NCOR1: variants seen among roughly 807,000 people sequenced by gnomAD.
NCOR1 encodes protein phosphatase 1, regulatory subunit 109.
In NCOR1, 63 loss-of-function variants were observed where a neutral mutation model predicts 288.1. The ratio of observed to expected loss-of-function variants is 0.22; its 90% CI spans 0.18 to 0.27. NCOR1 has a LOEUF of 0.27. Among genes scored for constraint, NCOR1 ranks in the 10% least tolerant of loss-of-function variants. The pLI, the probability that NCOR1 is intolerant of heterozygous loss-of-function variation, is 1.00. For missense variants in NCOR1, 2,397 were observed against 3,019.2 expected, an observed-to-expected ratio of 0.79 and a Z score of 4.83; for synonymous variants, 1,007 against 1,065.9, an observed-to-expected ratio of 0.94 and a Z score of 1.08.
chr17:16,212,622 C>T (rs1428453876), intron 1 of NCOR1, among the ~76,000 whole-genome samples: 4 of 152,122 alleles, frequency 2.6e-5, no homozygotes, highest in African/African-American at 4.8e-5. Context: ...TCACAGAATA[C>T]AATTAAAACC....
chr17:16,148,796 A>T (rs2078425978), intron 9 of NCOR1, among the ~76,000 whole-genome samples: 1 of 152,064 alleles, frequency 6.6e-6, no homozygotes, highest in African/African-American at 2.4e-5. Flanking sequence ...TTTACAACTC[A>T]AACTGTCAGG....
At chr17:16,131,588 A>C (rs2075647905) in intron 14 of NCOR1, among the ~76,000 whole-genome samples, 1 of 152,234 alleles carries the variant, frequency 6.6e-6, no homozygotes, top group South Asian at 2.1e-4. Flanking sequence ...TTGTAAATAA[A>C]AATTTACACG....
chr17:16,135,294 G>A (rs896262439), intron 14 of NCOR1, among the ~76,000 whole-genome samples: 15 of 152,028 alleles, frequency 9.9e-5, no homozygotes, highest in Non-Finnish European at 1.6e-4. Flanking sequence ...AAAAGCCCTG[G>A]CAATATTCTT....
chr17:16,208,206 ATTTTT>A (rs757019446), intron 1 of NCOR1, among the ~76,000 whole-genome samples: 14 of 65,532 alleles, frequency 2.1e-4, no homozygotes, highest in South Asian at 6.0e-4. Flanking sequence ...ATGCCCAGCT[ATTTTT>A]TTTTTTTTTT....
intron 3 of NCOR1, among the ~76,000 whole-genome samples, chr17:16,178,299 A>C (rs909496193): frequency 1.3e-5 from 2 of 152,072 alleles, no homozygotes; most frequent in African/African-American, 4.8e-5. Context: ...GGAGATTGAG[A>C]CCATCCTGAC....
chr17:16,040,538 A>G, intron 42 of NCOR1, 44 bp from the exon 43 acceptor site: 1 of 1,529,900 alleles, frequency 6.5e-7, no homozygotes, highest in Non-Finnish European at 9.0e-7. Context: ...TGTGATAATC[A>G]TATATACCAA....
intron 1 of NCOR1, among the ~76,000 whole-genome samples, chr17:16,209,599 C>A (rs2091922686): frequency 7.0e-6 from 1 of 143,844 alleles, no homozygotes; most frequent in Non-Finnish European, 1.5e-5. Context: ...AGCATGAATA[C>A]ATACAGAAAA....
At chr17:16,094,989 C>T (rs1467912392) in intron 21 of NCOR1, among the ~76,000 whole-genome samples, 3 of 152,106 alleles carry the variant, frequency 2.0e-5, no homozygotes, top group East Asian at 1.9e-4. Flanking sequence ...GCCGCCACCC[C>T]GTCTGGGAAG....
At position 16,071,563 on chromosome 17, in the gene NCOR1, G is replaced by A. The variant is rs1298450215; in HGVS notation, c.3998C>T (p.Thr1333Ile). ...GATGCCATCATATGGTTTTCCTTTG[G>A]TAATGGCACCTTCAAATGCTCGTAT... ...PPIRAFEGAI[T>I]KGKPYDGITT... The change falls in exon 30 of 46, where the codon ACC becomes ATC. Residue 1333 changes from threonine to isoleucine, a missense_variant. Coordinates refer to ENST00000268712, the MANE Select transcript of NCOR1 (RefSeq NM_006311.4). 1 of 1,613,902 alleles carries A rather than the reference G, an allele frequency of 6.2e-7. No homozygotes were observed. The highest frequency in any genetic ancestry group is 1.7e-5 in the Admixed American group (1 of 60,000).
At chr17:16,066,360 A>G (rs1262159671) in intron 32 of NCOR1, among the ~76,000 whole-genome samples, 1 of 152,208 alleles carries the variant, frequency 6.6e-6, no homozygotes, top group East Asian at 1.9e-4. Flanking sequence ...AAAAAGCTGT[A>G]GTTTTTAGCA....
intron 8 of NCOR1, among the ~76,000 whole-genome samples, chr17:16,151,081 TAG>T (rs915064934): frequency 1.3e-4 from 19 of 151,704 alleles, no homozygotes; most frequent in African/African-American, 4.3e-4. Context: ...ATGTGCTCAT[TAG>T]TAACCATACT....
chr17:16,137,443 A>T, intron 13 of NCOR1, 31 bp from the exon 14 acceptor site: 2 of 1,205,100 alleles, frequency 1.7e-6, no homozygotes, highest in Non-Finnish European at 2.3e-6. Flanking sequence ...ATTTTTGAGG[A>T]TCCAATGAAA....
At chr17:16,097,644 T>C (rs938163876) in intron 21 of NCOR1, among the ~76,000 whole-genome samples, 2 of 152,214 alleles carry the variant, frequency 1.3e-5, no homozygotes, top group Admixed American at 6.5e-5. Flanking sequence ...CCTTGCCCGA[T>C]CCATCTCTTC....
At chr17:16,069,394 C>T (rs982692509) in intron 31 of NCOR1, among the ~76,000 whole-genome samples, 1 of 152,068 alleles carries the variant, frequency 6.6e-6, no homozygotes, top group African/African-American at 2.4e-5. Flanking sequence ...CCAAAACACA[C>T]TTGTACAGCT....
chr17:16,057,462 C>T, intron 40 of NCOR1, 52 bp downstream of exon 40: 4 of 1,517,098 alleles, frequency 2.6e-6, no homozygotes, highest in Non-Finnish European at 3.7e-6. Flanking sequence ...AGATATATTC[C>T]ATTTGTTTTA....
At chr17:16,119,270 C>A (rs938207399) in intron 17 of NCOR1, among the ~76,000 whole-genome samples, 153 bp downstream of exon 17, 1 of 152,100 alleles carries the variant, frequency 6.6e-6, no homozygotes, top group Non-Finnish European at 1.5e-5. Context: ...TACCATACTA[C>A]CAGAAAAGAA....
intron 15 of NCOR1, among the ~76,000 whole-genome samples, chr17:16,122,392 T>C (rs1031469923): frequency 6.6e-6 from 1 of 152,206 alleles, no homozygotes; most frequent in African/African-American, 2.4e-5. Flanking sequence ...TATTCCCTTA[T>C]AAAGCTGGCT....
chr17:16,092,648 TA>T (rs1341568946), intron 21 of NCOR1, among the ~76,000 whole-genome samples: 884 of 13,342 alleles, frequency 0.066, 73 homozygotes, highest in African/African-American at 0.21. Context: ...CAGATCCATT[TA>T]TATATATATA....
At chr17:16,069,609 C>T (rs562768938) in intron 31 of NCOR1, among the ~76,000 whole-genome samples, 91 of 152,314 alleles carry the variant, frequency 6.0e-4, no homozygotes, top group African/African-American at 2.1e-3. Flanking sequence ...GAATAATTCA[C>T]ATTTATCGAG....
Sources: allele counts gnomAD v4.1 joint callset (sites outside exome capture counted in the v4.1 genomes callset), GRCh38; gene constraint gnomAD v4.1.1; transcripts MANE v1.5; gene names NCBI Gene and HGNC (gene_info 2026-07-23, HGNC 2026-07-21).